ENO4: variants seen among roughly 807,000 people sequenced by gnomAD.
ENO4 encodes the protein 2-phospho-D-glycerate hydro-lyase.
Under a neutral mutation model 63.2 loss-of-function variants are expected in ENO4, and 53 were observed. The observed-to-expected ratio is 0.84, with a 90% CI of 0.67 to 1.05. ENO4 has a LOEUF of 1.05. ENO4 is among the 50% of genes least tolerant of loss of function. The probability of loss-of-function intolerance (pLI) is 0.00; values close to 1 mark genes in which losing one functional copy is unlikely to be tolerated. For missense variants in ENO4, 719 were observed against 772.0 expected (o/e 0.93, Z 0.81); for synonymous variants, 266 against 283.8 (o/e 0.94, Z 0.63).
intron 8 of ENO4, among the ~76,000 whole-genome samples, chr10:116,869,765 AC>A (rs59520145): frequency 0.28 from 42,913 of 151,972 alleles, 6,639 homozygotes; most frequent in African/African-American, 0.41. Flanking sequence ...CTTTACTACT[AC>A]TTTTTCTTTT....
chr10:116,868,569 G>C, intron 7 of ENO4, 81 bp from the exon 8 acceptor site: 1 of 1,176,738 alleles, frequency 8.5e-7, no homozygotes, highest in African/African-American at 1.5e-5. Context: ...TGCTGGTCAG[G>C]TCTCAGAGCA....
intron 10 of ENO4, among the ~76,000 whole-genome samples, chr10:116,898,064 AT>A (rs779286952): frequency 2.6e-5 from 4 of 152,214 alleles, no homozygotes; most frequent in Non-Finnish European, 5.9e-5. Context: ...GTGGTGGCTC[AT>A]CCCTGTAATC....
In ENO4 at chr10:116,876,083, A is replaced by C; in HGVS notation, c.1360A>C (p.Ser454Arg). 1 of 1,547,476 alleles carries C rather than the reference A, an allele frequency of 6.5e-7. No individual in the cohort carries two copies. The highest frequency in any genetic ancestry group is 8.7e-7 in the Non-Finnish European group (1 of 1,145,782). The part of the protein sequence containing the change: ...FRKEDSEQWD[S>R]IYHALGSRCY... ...TACCCAGGACTCTGAACAGTGGGAC[A>C]GCATCTATCACGCACTTGGTTCCAG... The change falls in exon 11 of 14, where the codon AGC becomes CGC. Residue 454 changes from serine (S) to arginine (R), a missense_variant. Ser to Arg is a moderately radical substitution (Grantham distance 110, BLOSUM62 -1). Around this residue, in one of 3 missense-constraint regions of ENO4, gnomAD observed 544 missense variants for 583.6 expected, o/e 0.93. Transcript: ENST00000341276.
Position 116,879,315 on chromosome 10 carries a change from G to A in ENO4, c.1562G>A (p.Gly521Glu). 1 of 1,550,616 alleles carries A rather than the reference G, an allele frequency of 6.4e-7. No individual in the cohort carries two copies. Among genetic ancestry groups the A allele is most frequent in the South Asian group, 1.2e-5 (1 of 83,968 alleles). ...IDSKKHITVF[G>E]STEGESSDDS... ...GGTAAGAAGCACATCACTGTCTTTG[G>A]AAGTACAGAAGGAGAATCATCTGAT... is the stretch of plus-strand genomic sequence containing the variant. The change falls in exon 12 of 14, where the codon GGA (glycine) becomes GAA (glutamate). Residue 521 changes from glycine (G) to glutamate (E), a missense_variant. Physicochemically the swap from Gly to Glu is moderately conservative, Grantham distance 98. Coordinates refer to ENST00000341276, the MANE Select transcript of ENO4 (RefSeq NM_001242699.2).
At chr10:116,869,598 G>C (rs1314625079) in intron 8 of ENO4, among the ~76,000 whole-genome samples, 1 of 152,214 alleles carries the variant, frequency 6.6e-6, no homozygotes, top group Non-Finnish European at 1.5e-5. Context: ...TCAACAGTTT[G>C]TATATGTTGG....
intron 10 of ENO4, among the ~76,000 whole-genome samples, chr10:116,889,062 T>C (rs543987354): frequency 1.3e-5 from 2 of 152,384 alleles, no homozygotes; most frequent in African/African-American, 4.8e-5. Context: ...TCTCTCATTC[T>C]AGGTGAGCAA....
chr10:116,886,526 C>A, downstream of ENO4: 1 of 1,614,026 alleles, frequency 6.2e-7, no homozygotes, highest in Non-Finnish European at 8.5e-7. Flanking sequence ...TGTTTTTCAC[C>A]GTCAATGTAT....
chr10:116,876,896 A>G (rs1846850839), intron 11 of ENO4, among the ~76,000 whole-genome samples: 1 of 152,098 alleles, frequency 6.6e-6, no homozygotes, highest in African/African-American at 2.4e-5. Context: ...GCTTGCAGTG[A>G]GCCGAGATCG....
rs1160353990 is a variant in ENO4, at chr10:116,849,580, GCGGCGGCCGCAGCTGTGGGACCACTA to G, written c.15_40del (p.Gly7AlafsTer46). The G allele has an allele frequency of 6.5e-7, 1 of 1,544,332 alleles. No homozygotes were observed. The highest frequency in any genetic ancestry group is 1.2e-5 in the South Asian group (1 of 82,948). On this transcript the variant is annotated frameshift_variant, in exon 1 of 14. Transcript: ENST00000341276. LOFTEE classifies it high-confidence loss of function. Reference sequence around the variant, plus strand: ...AAATCTCCTACCATGGAGGAAGAAGGCGGCGGCCGCAGCTGTGGGACCACTAGGGAGCTGCAGAAGCTGAAGCAGCA... The same window carrying G: ...AAATCTCCTACCATGGAGGAAGAAGGGGGAGCTGCAGAAGCTGAAGCAGCA...
chr10:116,863,618 A>G (rs868774859), intron 7 of ENO4, among the ~76,000 whole-genome samples: 2 of 152,224 alleles, frequency 1.3e-5, no homozygotes, highest in Non-Finnish European at 2.9e-5. Context: ...CTGCATGATT[A>G]GGAAGCAGTA....
At chr10:116,872,443 T>C (rs1846723455) in intron 9 of ENO4, among the ~76,000 whole-genome samples, 1 of 152,074 alleles carries the variant, frequency 6.6e-6, no homozygotes, top group African/African-American at 2.4e-5. Context: ...GCTATTCTCA[T>C]GATAGTGAAT....
chr10:116,855,067 G>A (rs1482255072), intron 1 of ENO4, among the ~76,000 whole-genome samples: 3 of 151,984 alleles, frequency 2.0e-5, no homozygotes, highest in Non-Finnish European at 4.4e-5. Flanking sequence ...GGCCAAGGTG[G>A]GTGAATCACG....
chr10:116,863,687 T>C (rs944523289), intron 7 of ENO4, among the ~76,000 whole-genome samples: 7 of 152,190 alleles, frequency 4.6e-5, no homozygotes, highest in African/African-American at 1.7e-4. Context: ...ATGGAGGCAC[T>C]TTGGTTTTAA....
chr10:116,896,732 C>A (rs1847534235), intron 10 of ENO4, among the ~76,000 whole-genome samples: 1 of 152,116 alleles, frequency 6.6e-6, no homozygotes, highest in African/African-American at 2.4e-5. Context: ...CATCTTCTCA[C>A]CCATTTTCTC....
At chr10:116,865,050 G>C (rs559978976) in intron 7 of ENO4, among the ~76,000 whole-genome samples, 1 of 152,132 alleles carries the variant, frequency 6.6e-6, no homozygotes, top group African/African-American at 2.4e-5. Flanking sequence ...ACACAACAGA[G>C]AACAGTGTTT....
At chr10:116,852,602 C>T (rs1846119508) in intron 1 of ENO4, among the ~76,000 whole-genome samples, 1 of 152,176 alleles carries the variant, frequency 6.6e-6, no homozygotes, top group Non-Finnish European at 1.5e-5. Flanking sequence ...TTGACAAACA[C>T]GATACAAACA....
chr10:116,855,815 G>A lies in ENO4; in HGVS notation c.294+64G>A. ...CCCACTGCATTTATTAGCAACACTT[G>A]TCTAAGCTGTAGAAAATTATTGTTT... On this transcript the variant is annotated intron_variant, in intron 2 of 13. Coordinates refer to ENST00000341276, the MANE Select transcript of ENO4 (RefSeq NM_001242699.2). 5 of 1,430,084 alleles carry A rather than the reference G, an allele frequency of 3.5e-6. 1 individual carries two copies. In the Middle Eastern group the frequency reaches 9.0e-4, roughly 257 times the overall value. The allele number at this position is 1,430,084 out of a possible 1,614,324, so 88.6% of individuals were successfully genotyped here. A position where few individuals can be genotyped will look rare whatever the true frequency, so the allele number is the denominator to read the frequency against.
intron 7 of ENO4, chr10:116,868,429 A>C (rs2133265946): frequency 1.5e-6 from 1 of 674,626 alleles, no homozygotes; most frequent in African/African-American, 1.8e-5. Flanking sequence ...AGGATGAACT[A>C]AAGGAAACAC....
exon 11 of ENO4, chr10:116,911,629 G>T (rs952738374): frequency 3.6e-5 from 56 of 1,555,832 alleles, no homozygotes; most frequent in Non-Finnish European, 4.4e-5. Context: ...TAACATATGT[G>T]ATGGAGCAGT....
Sources: gnomAD v4.1 joint callset for allele counts (sites outside exome capture counted in the v4.1 genomes callset) on GRCh38, gnomAD v4.1.1 for gene constraint, gnomAD v4.1.1 regional missense constraint, MANE v1.5 for transcripts, NCBI Gene and HGNC (gene_info 2026-07-23, HGNC 2026-07-21) for gene names.